TJP1: variants seen among roughly 807,000 people sequenced by gnomAD.
TJP1 encodes tight junction protein 1.
Under a neutral mutation model 194.2 loss-of-function variants are expected in TJP1, and 43 were observed. That is an observed-to-expected ratio of 0.22 (90% CI 0.17 to 0.29). TJP1 has a LOEUF of 0.29. Ranked by LOEUF, TJP1 falls within the 10% of genes least tolerant of loss-of-function variation. The pLI, the probability that TJP1 is intolerant of heterozygous loss-of-function variation, is 1.00. For synonymous variants in TJP1, 801 were observed against 779.0 expected (o/e 1.03, Z -0.47); for missense variants, 1,971 against 2,185.7 (o/e 0.90, Z 1.96).
chr15:29,911,684 C>A (rs1363703973), intron 2 of TJP1, among the ~76,000 whole-genome samples: 1 of 152,198 alleles, frequency 6.6e-6, no homozygotes, highest in Non-Finnish European at 1.5e-5. Context: ...AATTACCTCC[C>A]ACCAGGTCCC....
chr15:29,855,644 T>G (rs1446768936), intron 2 of TJP1, among the ~76,000 whole-genome samples: 2 of 152,060 alleles, frequency 1.3e-5, no homozygotes, highest in African/African-American at 2.4e-5. Flanking sequence ...TCACTTGAGG[T>G]CAGGAGTTCA....
intron 2 of TJP1, among the ~76,000 whole-genome samples, chr15:29,838,107 T>C (rs2051097501): frequency 1.3e-5 from 2 of 152,200 alleles, no homozygotes; most frequent in African/African-American, 4.8e-5. Context: ...CTATAAAACC[T>C]TTTATTTTGA....
intron 2 of TJP1, among the ~76,000 whole-genome samples, chr15:29,773,894 A>C (rs2046849125): frequency 6.6e-6 from 1 of 152,248 alleles, no homozygotes. Context: ...CATTAGCCAT[A>C]TTGAACTAAC....
intron 24 of TJP1, among the ~76,000 whole-genome samples, chr15:29,709,504 C>G (rs45545334): frequency 1.3e-5 from 2 of 152,186 alleles, no homozygotes; most frequent in East Asian, 1.9e-4. Flanking sequence ...CAGTGTAACA[C>G]AGTACCAACT....
intron 1 of TJP1, among the ~76,000 whole-genome samples, chr15:29,817,216 C>G (rs530097624): frequency 2.1e-4 from 32 of 152,184 alleles, no homozygotes; most frequent in African/African-American, 7.0e-4. Flanking sequence ...ATGCGGCCAA[C>G]AAACATATGA....
At chr15:29,790,751 CT>C (rs926624507) in intron 2 of TJP1, among the ~76,000 whole-genome samples, 371 of 130,756 alleles carry the variant, frequency 2.8e-3, no homozygotes, top group Middle Eastern at 3.9e-3. Flanking sequence ...GTTCATTTTT[CT>C]TTTTTTTTTT....
upstream of TJP1, among the ~76,000 whole-genome samples, chr15:29,824,294 G>A (rs117047396): frequency 4.0e-3 from 600 of 151,286 alleles, 16 homozygotes; most frequent in East Asian, 0.076. Context: ...AAATAGGAAA[G>A]TAGCCGGGCA....
chr15:29,761,197 G>C lies in TJP1; in HGVS notation c.952C>G (p.Gln318Glu). The C allele has an allele frequency of 6.2e-7, 1 of 1,614,068 alleles. No individual in the cohort carries two copies. The highest frequency in any genetic ancestry group is 8.5e-7 in the Non-Finnish European group (1 of 1,179,998). Residue 318 changes from glutamine to glutamate, a missense_variant, in exon 8 of 28, where the codon CAG becomes GAG. By Grantham distance (29) the Gln-to-Glu change is conservative. Around this residue, in one of 5 missense-constraint regions of TJP1, gnomAD observed 192 missense variants for 182.3 expected, o/e 1.05. Transcript: ENST00000614355. ...GAATGATCAGAAGGCTCTGACCGCT[G>C]GTCAGGAGATCGTGACCGGCTGCGG... The part of the protein sequence containing the change: ...PRRSRSRSPD[Q>E]RSEPSDHSRH...
intron 2 of TJP1, among the ~76,000 whole-genome samples, chr15:29,796,236 G>C (rs571654652): frequency 4.0e-5 from 6 of 151,746 alleles, no homozygotes; most frequent in Admixed American, 6.6e-5. Flanking sequence ...GAAAAAAACT[G>C]CCTCTATACA....
At chr15:29,867,542 A>G (rs1235332939) in intron 2 of TJP1, among the ~76,000 whole-genome samples, 2 of 152,128 alleles carry the variant, frequency 1.3e-5, no homozygotes, top group African/African-American at 4.8e-5. Context: ...TCAACTCTCT[A>G]TGAGCTCCTT....
At chr15:29,766,613 G>A in intron 4 of TJP1, 71 bp from the exon 5 acceptor site, 1 of 1,414,778 alleles carries the variant, frequency 7.1e-7, no homozygotes, top group Non-Finnish European at 9.5e-7. Context: ...CAAAGAGAAA[G>A]GAATATTACA....
chr15:29,760,222 T>C, intron 8 of TJP1: 1 of 702,334 alleles, frequency 1.4e-6, no homozygotes, highest in South Asian at 1.5e-5. Flanking sequence ...AGAAATTGTA[T>C]GCAATTGCTG....
chr15:29,800,852 A>G (rs560144116), intron 1 of TJP1, 150 bp from the exon 2 acceptor site: 1 of 725,284 alleles, frequency 1.4e-6, no homozygotes, highest in East Asian at 2.8e-5. Flanking sequence ...ATAATTATGG[A>G]AAGTTTTTTG....
intron 24 of TJP1, among the ~76,000 whole-genome samples, chr15:29,709,366 A>G (rs2042101851): frequency 6.6e-6 from 1 of 152,218 alleles, no homozygotes; most frequent in Admixed American, 6.5e-5. Flanking sequence ...AGAAAAATGT[A>G]AAACAAAACC....
chr15:29,789,646 T>C (rs1399983799), intron 2 of TJP1, among the ~76,000 whole-genome samples: 3 of 152,220 alleles, frequency 2.0e-5, no homozygotes, highest in Non-Finnish European at 4.4e-5. Context: ...CAGAAAATGT[T>C]AGGTTCTCAT....
At chr15:29,740,221 C>G (rs543256153) in intron 10 of TJP1, among the ~76,000 whole-genome samples, 1 of 152,150 alleles carries the variant, frequency 6.6e-6, no homozygotes, top group African/African-American at 2.4e-5. Flanking sequence ...GTGATTCGCC[C>G]GCCTCGGCCT....
intron 2 of TJP1, among the ~76,000 whole-genome samples, chr15:29,949,616 ACCACCAC>A (rs2055529919): frequency 1.1e-5 from 1 of 88,948 alleles, no homozygotes; most frequent in Admixed American, 1.2e-4. Flanking sequence ...CACCTTCACC[ACCACCAC>A]CTCCACCTCC....
chr15:29,877,563 TTC>T (rs1330534075), intron 2 of TJP1, among the ~76,000 whole-genome samples: 2 of 151,928 alleles, frequency 1.3e-5, no homozygotes, highest in Non-Finnish European at 1.5e-5. Flanking sequence ...TTCTTTCTTT[TTC>T]TCTTTCTTTC....
At chr15:29,760,233 C>T (rs967578040) in intron 8 of TJP1, 4 of 702,198 alleles carry the variant, frequency 5.7e-6, no homozygotes, top group Non-Finnish European at 1.0e-5. Context: ...GCAATTGCTG[C>T]GTGTATGTGC....
Sources: gnomAD v4.1 joint callset for allele counts (sites outside exome capture counted in the v4.1 genomes callset) on GRCh38, gnomAD v4.1.1 for gene constraint, gnomAD v4.1.1 regional missense constraint, MANE v1.5 for transcripts, NCBI Gene and HGNC (gene_info 2026-07-23, HGNC 2026-07-21) for gene names.